The following TMEM44 variants were observed in gnomAD, a reference collection of about 807,000 sequenced individuals.
The protein encoded by TMEM44 is transmembrane protein 44.
TMEM44 carries 43 observed loss-of-function variants against 47.8 expected under a neutral mutation model. The observed-to-expected ratio is 0.90, with a 90% CI of 0.70 to 1.16. The LOEUF (loss-of-function observed/expected upper bound fraction) is 1.16, where lower values mean the gene tolerates loss of function less well. Ranked by LOEUF, TMEM44 falls within the 50% of genes most tolerant of loss-of-function variation. The pLI, the probability that TMEM44 is intolerant of heterozygous loss-of-function variation, is 0.00. For missense variants in TMEM44, 568 were observed against 555.2 expected (o/e 1.02, Z -0.23); for synonymous variants, 277 against 238.8 (o/e 1.16, Z -1.48).
At chr3:194,593,838 G>A (rs1042281716) in intron 9 of TMEM44, among the ~76,000 whole-genome samples, 1 of 151,992 alleles carries the variant, frequency 6.6e-6, no homozygotes, top group Non-Finnish European at 1.5e-5. Context: ...TGAGAGAGGG[G>A]CTTGCTCTGT....
rs1170803354 is a variant in TMEM44, at chr3:194,611,500, G to T, written c.913-480C>A. On this transcript the variant is annotated intron_variant, in intron 7 of 9. Transcript: ENST00000347147. This position sits in a 1 kb window ranked among gnomAD's most constrained non-coding sequence, Gnocchi z 4.2. ...AGCCTAGGGGACAGAGTGAGACCCT[G>T]TCGTACAAACAAAACAAAACAAGGA... Among the ~76,000 whole-genome samples, 1 of 152,192 alleles carries T rather than the reference G, an allele frequency of 6.6e-6. No homozygotes were observed. The highest frequency in any genetic ancestry group is 1.5e-5 in the Non-Finnish European group (1 of 68,032).
In TMEM44 at chr3:194,628,592, C is replaced by T. The variant is rs1052500733; in HGVS notation, c.138-83G>A. ...TGTATCTAAAAAGGGCAACTGTGAC[C>T]CCGCATCGTCAGGGAGCTCTTTCTG... On this transcript the variant is annotated intron_variant, in intron 1 of 9. Coordinates refer to ENST00000347147, the MANE Select transcript of TMEM44 (RefSeq NM_001011655.3). 6.8e-6 allele frequency: 10 copies of T among 1,463,182 alleles called. No homozygotes were observed. The African/African-American group carries it at 1.4e-4, about 21-fold the overall frequency. The allele number at this position is 1,463,182 out of a possible 1,614,324, so 90.6% of individuals were successfully genotyped here. A position where few individuals can be genotyped will look rare whatever the true frequency, so the allele number is the denominator to read the frequency against.
At position 194,611,398 on chromosome 3, in the gene TMEM44, C is replaced by T. The variant is rs991829880; in HGVS notation, c.913-378G>A. On this transcript the variant is annotated intron_variant, in intron 7 of 9. Coordinates refer to ENST00000347147, the MANE Select transcript of TMEM44 (RefSeq NM_001011655.3). This position sits in a 1 kb window ranked among gnomAD's most constrained non-coding sequence, Gnocchi z 4.2. ...GGGATGACAGGCGTGAGCCACCACA[C>T]CCGGCCTATTCTGCTTTTTAAGATC... 6.6e-6 allele frequency among the ~76,000 whole-genome samples: 1 copy of T among 152,176 alleles called. No individual in the cohort carries two copies. Among genetic ancestry groups the T allele is most frequent in the Non-Finnish European group, 1.5e-5 (1 of 68,040 alleles).
In TMEM44 at chr3:194,623,669, T is replaced by G. The variant is rs761082882; in HGVS notation, c.385A>C (p.Arg129=). The part of the protein sequence containing the change: ...SDREARERKR[R]RQLRASVFAL... ...AACACACTGGCCCTGAGCTGCCGCCTCCTCTTCCTCTCTCGGGCTTCCCGA... is the reference window on the plus strand; with the variant it reads ...AACACACTGGCCCTGAGCTGCCGCCGCCTCTTCCTCTCTCGGGCTTCCCGA... The change falls in exon 4 of 10, where the codon AGG becomes CGG. Residue 129 remains arginine, a synonymous_variant. Coordinates refer to ENST00000347147, the MANE Select transcript of TMEM44 (RefSeq NM_001011655.3). 2.5e-6 allele frequency: 4 copies of G among 1,613,726 alleles called. No individual in the cohort carries two copies. Among genetic ancestry groups the G allele is most frequent in the Non-Finnish European group, 3.4e-6 (4 of 1,179,976 alleles).
intron 9 of TMEM44, among the ~76,000 whole-genome samples, chr3:194,594,117 T>TTCTA (rs370424904): frequency 0.19 from 16,023 of 85,254 alleles, 1,072 homozygotes; most frequent in Admixed American, 0.23. Context: ...TGGCCTAATT[T>TTCTA]TCTATCTATC....
At chr3:194,601,397 T>TG (rs1016425494) in intron 9 of TMEM44, among the ~76,000 whole-genome samples, 22 of 151,208 alleles carry the variant, frequency 1.5e-4, no homozygotes, top group African/African-American at 5.4e-4. Context: ...CTCCGCCTCC[T>TG]GGGTTCAAGC....
intron 2 of TMEM44, 57 bp from the exon 3 acceptor site, chr3:194,626,047 A>G (rs1390663018): frequency 1.5e-6 from 2 of 1,376,072 alleles, no homozygotes; most frequent in Admixed American, 1.7e-5. Flanking sequence ...CAGCCCCTAC[A>G]GAGTTTGTCA....
At chr3:194,594,163 C>CTG (rs1219090756) in intron 9 of TMEM44, among the ~76,000 whole-genome samples, 6 of 139,626 alleles carry the variant, frequency 4.3e-5, no homozygotes, top group Admixed American at 7.1e-5. Context: ...ATCTATCTAT[C>CTG]TATATCTATC....
At chr3:194,604,537 A>T (rs952156979) in intron 8 of TMEM44, 92 bp from the exon 9 acceptor site, 1 of 1,426,730 alleles carries the variant, frequency 7.0e-7, no homozygotes, top group East Asian at 2.5e-5. Flanking sequence ...AGTGTTCAAA[A>T]TGTACAAAAG....
At chr3:194,632,595 A>G (rs1188512083) in intron 1 of TMEM44, among the ~76,000 whole-genome samples, 3 of 152,232 alleles carry the variant, frequency 2.0e-5, no homozygotes, top group African/African-American at 7.2e-5. Context: ...AACTGAGGCC[A>G]GAAACATCAA....
At chr3:194,600,223 C>G (rs1288547075) in intron 9 of TMEM44, among the ~76,000 whole-genome samples, 1 of 152,202 alleles carries the variant, frequency 6.6e-6, no homozygotes, top group African/African-American at 2.4e-5. Flanking sequence ...TCCCAAGTAG[C>G]TGGGACTATG....
chr3:194,599,586 C>CT lies in TMEM44; in HGVS notation c.1176+4700dup, dbSNP rs35672774. On this transcript the variant is annotated intron_variant, in intron 9 of 9. Coordinates refer to ENST00000347147, the MANE Select transcript of TMEM44 (RefSeq NM_001011655.3). ...TTTCTTTTCATTTTCTTTTTCTTTTCTTTTTTTTTTTTTTTTGAGACAGAG... is the reference window on the plus strand; with the variant it reads ...TTTCTTTTCATTTTCTTTTTCTTTTCTTTTTTTTTTTTTTTTTGAGACAGAG... Among the ~76,000 whole-genome samples the CT allele has an allele frequency of 9.8e-4, 126 of 129,022 alleles. 1 individual carries two copies. In the Middle Eastern group the frequency reaches 0.012, roughly 12 times the overall value. 84.6% of individuals were successfully genotyped at this position (129,022 alleles called of 152,430 possible). A position where few individuals can be genotyped will look rare whatever the true frequency, so the allele number is the denominator to read the frequency against.
rs144394683 is a variant in TMEM44 at position 194,627,673 on chromosome 3, T to C, written c.264+710A>G. 6.0e-3 allele frequency among the ~76,000 whole-genome samples: 915 copies of C among 152,224 alleles called. 8 individuals carry two copies. The highest frequency in any genetic ancestry group is 7.9e-3 in the Non-Finnish European group (539 of 68,002). ...GTAGAGCTGACACTCTAATGGGAGT[T>C]CACATACAAGAAGTAATAAACAGGT... is the stretch of plus-strand genomic sequence containing the variant. On this transcript the variant is annotated intron_variant, in intron 2 of 9. Coordinates refer to ENST00000347147, the MANE Select transcript of TMEM44 (RefSeq NM_001011655.3).
At chr3:194,603,428 C>T (rs987386077) in intron 9 of TMEM44, among the ~76,000 whole-genome samples, 3 of 151,980 alleles carry the variant, frequency 2.0e-5, no homozygotes, top group Non-Finnish European at 4.4e-5. Flanking sequence ...GATGGAGTCT[C>T]GCTCTGTTGG....
chr3:194,628,722 G>T (rs1039912102), intron 1 of TMEM44, among the ~76,000 whole-genome samples: 2 of 152,174 alleles, frequency 1.3e-5, no homozygotes, highest in Non-Finnish European at 2.9e-5. Flanking sequence ...GCTAGACCTC[G>T]TGAGATGTGA....
intron 2 of TMEM44, among the ~76,000 whole-genome samples, chr3:194,627,178 T>G (rs1301688695): frequency 2.0e-5 from 3 of 152,210 alleles, no homozygotes; most frequent in Non-Finnish European, 4.4e-5. Flanking sequence ...ATTGCAGGCA[T>G]GAACCACTGT....
intron 5 of TMEM44, 30 bp from the exon 6 acceptor site, chr3:194,617,299 G>GC: frequency 6.6e-5 from 41 of 619,692 alleles, no homozygotes; most frequent in Non-Finnish European, 1.0e-4. Flanking sequence ...GGCTGGGCGG[G>GC]AGAAGCAGCA....
intron 9 of TMEM44, among the ~76,000 whole-genome samples, chr3:194,602,561 C>A (rs1044113847): frequency 5.3e-5 from 8 of 151,344 alleles, no homozygotes; most frequent in Non-Finnish European, 1.2e-4. Context: ...GAGATCGCGT[C>A]ACTGCACTCC....
intron 5 of TMEM44, 111 bp downstream of exon 5, chr3:194,623,113 C>G (rs183475256): frequency 9.8e-7 from 1 of 1,021,074 alleles, no homozygotes; most frequent in Admixed American, 2.8e-5. Context: ...GAGCCCATGT[C>G]CATGCACCCA....
Sources: gnomAD v4.1 joint callset for allele counts (sites outside exome capture counted in the v4.1 genomes callset) on GRCh38, gnomAD v4.1.1 for gene constraint, Gnocchi (gnomAD v3.1) non-coding constraint, MANE v1.5 for transcripts, NCBI Gene and HGNC (gene_info 2026-07-23, HGNC 2026-07-21) for gene names.